KCNMA1: variants seen among roughly 807,000 people sequenced by gnomAD.
The protein encoded by KCNMA1 is potassium calcium-activated channel subfamily M alpha 1, also known as Calcium-activated potassium channel subunit alpha-1.
A neutral mutation model predicts 140.0 loss-of-function variants in KCNMA1; 29 were observed. The ratio of observed to expected loss-of-function variants is 0.21; its 90% confidence interval spans 0.15 to 0.28. The LOEUF (loss-of-function observed/expected upper bound fraction) is 0.28, where lower values mean the gene tolerates loss of function less well. Among genes scored for constraint, KCNMA1 ranks in the 10% least tolerant of loss-of-function variants. KCNMA1 has a pLI of 1.00. For missense variants in KCNMA1, 880 were observed against 1,602.2 expected (o/e 0.55, Z 7.70); for synonymous variants, 612 against 611.9 (o/e 1.00, Z 0.00).
chr10:77,168,495 T>G (rs1469561435), intron 5 of KCNMA1, among the ~76,000 whole-genome samples: 2 of 152,168 alleles, frequency 1.3e-5, no homozygotes, highest in Admixed American at 6.5e-5. Context: ...TTGTACAGCA[T>G]TACTGTACTG....
intron 2 of KCNMA1, chr10:77,314,153 G>A (rs1260452435): frequency 6.6e-6 from 1 of 152,114 alleles, no homozygotes; most frequent in Non-Finnish European, 1.5e-5. Flanking sequence ...GTACTTGCAG[G>A]GCATGAGTGT....
intron 2 of KCNMA1, among the ~76,000 whole-genome samples, chr10:77,294,275 T>A (rs532966619): frequency 6.6e-6 from 1 of 152,220 alleles, no homozygotes; most frequent in East Asian, 1.9e-4. Flanking sequence ...GTACTTATCA[T>A]CCTTGACTTA....
intron 2 of KCNMA1, among the ~76,000 whole-genome samples, chr10:77,310,321 T>C (rs756170268): frequency 2.6e-5 from 4 of 152,020 alleles, no homozygotes; most frequent in Non-Finnish European, 5.9e-5. Flanking sequence ...AACCCCATGA[T>C]CCAACAACCA....
At chr10:77,238,021 T>A (rs1013172056) in intron 3 of KCNMA1, among the ~76,000 whole-genome samples, 1 of 152,168 alleles carries the variant, frequency 6.6e-6, no homozygotes, top group East Asian at 1.9e-4. Context: ...TGCCTCGCCT[T>A]CCCTGCACCA....
chr10:77,606,968 G>C (rs2084793079), intron 1 of KCNMA1, among the ~76,000 whole-genome samples: 1 of 152,168 alleles, frequency 6.6e-6, no homozygotes. Context: ...CCATGACTCA[G>C]TTTGCCTCCA....
intron 1 of KCNMA1, among the ~76,000 whole-genome samples, chr10:77,551,829 T>C (rs960157115): frequency 2.0e-5 from 3 of 152,114 alleles, no homozygotes; most frequent in African/African-American, 7.2e-5. Context: ...AGAGGACAGA[T>C]GTAGAAGTCA....
At chr10:77,101,636 G>A (rs995265910) in intron 9 of KCNMA1, among the ~76,000 whole-genome samples, 11 of 152,166 alleles carry the variant, frequency 7.2e-5, no homozygotes, top group Non-Finnish European at 1.5e-5. Context: ...CATGCAATGA[G>A]GGCTGAATGG....
chr10:77,326,926 C>T (rs943296905), intron 2 of KCNMA1, among the ~76,000 whole-genome samples: 1 of 152,020 alleles, frequency 6.6e-6, no homozygotes, highest in Non-Finnish European at 1.5e-5. Context: ...CCAAAGTGAG[C>T]CTACACTCCA....
chr10:77,457,080 C>T (rs1003611946), intron 1 of KCNMA1, among the ~76,000 whole-genome samples: 1 of 152,102 alleles, frequency 6.6e-6, no homozygotes, highest in African/African-American at 2.4e-5. Context: ...AATATGCCTG[C>T]ACTTCCTAGA....
intron 23 of KCNMA1, among the ~76,000 whole-genome samples, chr10:76,931,519 A>C (rs1193124056): frequency 8.0e-6 from 1 of 125,072 alleles, no homozygotes; most frequent in African/African-American, 2.7e-5. Flanking sequence ...TGTTTTAAGA[A>C]AAAAAAAAAA....
chr10:76,993,970 T>C (rs533806045), intron 19 of KCNMA1, among the ~76,000 whole-genome samples: 1 of 152,046 alleles, frequency 6.6e-6, no homozygotes, highest in Non-Finnish European at 1.5e-5. Context: ...GAATCCTCAC[T>C]TTTTTCTCCT....
chr10:77,023,074 C>T, intron 16 of KCNMA1: 2 of 350,390 alleles, frequency 5.7e-6, no homozygotes, highest in Admixed American at 3.5e-5. Flanking sequence ...CTATCAGGTC[C>T]CTCCATGAGA....
intron 2 of KCNMA1, among the ~76,000 whole-genome samples, chr10:77,327,144 C>A (rs2084511277): frequency 6.6e-6 from 1 of 152,000 alleles, no homozygotes; most frequent in South Asian, 2.1e-4. Flanking sequence ...GCAGATGTTA[C>A]AGCAAAATGA....
chr10:77,480,875 G>A (rs528097695), intron 1 of KCNMA1, among the ~76,000 whole-genome samples: 18 of 151,604 alleles, frequency 1.2e-4, no homozygotes, highest in South Asian at 2.1e-4. Context: ...TTTGGGAGGC[G>A]GAGGTGGGCA....
chr10:76,936,671 C>A (rs545690406), intron 23 of KCNMA1, among the ~76,000 whole-genome samples: 1 of 152,048 alleles, frequency 6.6e-6, no homozygotes, highest in Non-Finnish European at 1.5e-5. Context: ...TGTATAGGTG[C>A]GTCTGCAAGA....
Position 77,121,052 on chromosome 10 carries a change from G to C in KCNMA1, c.809-4C>G. 6.4e-7 allele frequency: 1 copy of C among 1,569,910 alleles called. No homozygotes were observed. The highest frequency in any genetic ancestry group is 8.7e-7 in the Non-Finnish European group (1 of 1,143,098). ...AGAGCTCTTAAAAATCTCAAACCTG[G>C]AAAAAAGAATGAAATAGAGATGCAT... On this transcript the variant is annotated splice_region_variant and splice_polypyrimidine_tract_variant and intron_variant, in intron 5 of 27. Coordinates refer to ENST00000286628, the MANE Select transcript of KCNMA1 (RefSeq NM_001161352.2).
At chr10:77,490,564 GCCTAC>G (rs1214709556) in intron 1 of KCNMA1, among the ~76,000 whole-genome samples, 1 of 152,148 alleles carries the variant, frequency 6.6e-6, no homozygotes, top group African/African-American at 2.4e-5. Flanking sequence ...TGTGTAGAGT[GCCTAC>G]AACACGCTAA....
intron 2 of KCNMA1, among the ~76,000 whole-genome samples, chr10:77,364,982 C>T (rs1253944829): frequency 6.6e-6 from 1 of 152,278 alleles, no homozygotes; most frequent in East Asian, 1.9e-4. Flanking sequence ...CATAACAAAT[C>T]CAATCCACTC....
chr10:77,236,409 C>T (rs547187932), intron 3 of KCNMA1, among the ~76,000 whole-genome samples: 39 of 152,164 alleles, frequency 2.6e-4, no homozygotes, highest in Admixed American at 5.2e-4. Context: ...ACTTGGGGAA[C>T]GTGCCAAACC....
Sources: allele counts gnomAD v4.1 joint callset (sites outside exome capture counted in the v4.1 genomes callset), GRCh38; gene constraint gnomAD v4.1.1; transcripts MANE v1.5; gene names NCBI Gene and HGNC (gene_info 2026-07-23, HGNC 2026-07-21).